COL24A1: variants seen among roughly 807,000 people sequenced by gnomAD.
COL24A1 encodes the protein collagen alpha-1(XXIV) chain.
A neutral mutation model predicts 253.9 loss-of-function variants in COL24A1; 224 were observed. The observed-to-expected ratio is 0.88, with a 90% CI of 0.79 to 0.99. The LOEUF (loss-of-function observed/expected upper bound fraction) is 0.99. COL24A1 is among the 50% of genes least tolerant of loss of function. The pLI is 0.00. For missense variants in COL24A1, 2,131 were observed against 2,068.5 expected (o/e 1.03, Z -0.59); for synonymous variants, 685 against 673.7 (o/e 1.02, Z -0.26).
intron 3 of COL24A1, among the ~76,000 whole-genome samples, chr1:86,117,005 A>T (rs2102199062): frequency 6.6e-6 from 1 of 152,322 alleles, no homozygotes; most frequent in Admixed American, 6.5e-5. Context: ...ATAATTAAAA[A>T]TTTAGCAGCT....
chr1:85,943,068 C>A (rs150263417), intron 24 of COL24A1, among the ~76,000 whole-genome samples: 89 of 152,274 alleles, frequency 5.8e-4, no homozygotes, highest in African/African-American at 2.1e-3. Flanking sequence ...TCTCTCAGGG[C>A]CTGGAGAGAA....
At chr1:86,012,178 T>C (rs141429289) in intron 19 of COL24A1, among the ~76,000 whole-genome samples, 3 of 152,316 alleles carry the variant, frequency 2.0e-5, no homozygotes, top group East Asian at 1.9e-4. Flanking sequence ...GTGATAGTGA[T>C]GCCCAGTAAA....
At chr1:85,827,811 C>G (rs1255484723) in intron 43 of COL24A1, among the ~76,000 whole-genome samples, 2 of 151,866 alleles carry the variant, frequency 1.3e-5, no homozygotes, top group Non-Finnish European at 2.9e-5. Context: ...TGATTCTTCT[C>G]TCTTTTCTTT....
intron 6 of COL24A1, among the ~76,000 whole-genome samples, chr1:86,090,141 T>C (rs1703391006): frequency 6.6e-6 from 1 of 152,202 alleles, no homozygotes; most frequent in South Asian, 2.1e-4. Context: ...GACTAGGCGT[T>C]ACCGATTAGC....
Position 86,125,062 on chromosome 1 carries a change from T to C in COL24A1, c.1274A>G (p.Gln425Arg), listed in dbSNP as rs1490175793. ...ATGCAAGCTTGTGTTTAAAATTGGT[T>C]GCATTTCCATGAGTTCGTTAGTGTG... ...NLHTNELMEM[Q>R]PILNTSLHRV... The change falls in exon 3 of 60, where the codon CAA (glutamine) becomes CGA (arginine). Residue 425 changes from glutamine to arginine, a missense_variant. Coordinates refer to ENST00000370571, the MANE Select transcript of COL24A1 (RefSeq NM_152890.7). 5 of 1,613,020 alleles carry C rather than the reference T, an allele frequency of 3.1e-6. No individual in the cohort carries two copies. The highest frequency in any genetic ancestry group is 3.4e-6 in the Non-Finnish European group (4 of 1,179,576).
At chr1:86,005,104 G>A (rs1413032978) in intron 19 of COL24A1, among the ~76,000 whole-genome samples, 1 of 152,170 alleles carries the variant, frequency 6.6e-6, no homozygotes, top group Non-Finnish European at 1.5e-5. Context: ...GAAAGAGTGA[G>A]AAAAGTACCA....
chr1:85,876,169 G>A (rs1418560242), intron 33 of COL24A1, among the ~76,000 whole-genome samples: 1 of 152,026 alleles, frequency 6.6e-6, no homozygotes, highest in African/African-American at 2.4e-5. Flanking sequence ...AATTATAGGA[G>A]TTGGAGGAGA....
chr1:86,027,644 G>C (rs953648976), intron 14 of COL24A1, among the ~76,000 whole-genome samples: 8 of 152,198 alleles, frequency 5.3e-5, no homozygotes, highest in African/African-American at 1.7e-4. Flanking sequence ...TTTGCTGCAG[G>C]GGTGACACCC....
At chr1:85,889,655 G>T (rs1332835163) in intron 31 of COL24A1, 42 bp from the exon 32 acceptor site, 5 of 1,565,460 alleles carry the variant, frequency 3.2e-6, no homozygotes, top group Non-Finnish European at 4.4e-6. Context: ...AGTGGTGTGT[G>T]AAGATGTTTT....
chr1:85,840,128 C>A (rs888897858), intron 42 of COL24A1, among the ~76,000 whole-genome samples: 2 of 152,128 alleles, frequency 1.3e-5, no homozygotes, highest in South Asian at 4.1e-4. Context: ...CTGGATAAAA[C>A]TACTATTGTT....
chr1:86,034,651 A>T (rs1479251599), intron 12 of COL24A1, among the ~76,000 whole-genome samples: 1 of 152,180 alleles, frequency 6.6e-6, no homozygotes. Flanking sequence ...ACACATAAAT[A>T]CTACAAATTT....
intron 24 of COL24A1, among the ~76,000 whole-genome samples, chr1:85,924,212 C>T (rs763449001): frequency 2.5e-4 from 38 of 152,080 alleles, no homozygotes; most frequent in Non-Finnish European, 4.9e-4. Flanking sequence ...AAGGACCAGA[C>T]GGATTCACAG....
chr1:85,962,027 A>G (rs1168933837), intron 23 of COL24A1, among the ~76,000 whole-genome samples: 1 of 152,204 alleles, frequency 6.6e-6, no homozygotes, highest in East Asian at 1.9e-4. Flanking sequence ...TTTTATCAAT[A>G]AAATTTTTAA....
Position 85,965,028 on chromosome 1 carries a change from G to A in COL24A1, c.2498C>T (p.Pro833Leu). ...KPGQKGYAGEPGPEGLKGEVG... is the reference protein window; with the variant it reads ...KPGQKGYAGELGPEGLKGEVG... ...CTTTACCTTTAAGCCTTCTGGTCCT[G>A]GTTCACCTGCATACCCCTTTTGACC... Residue 833 changes from proline to leucine, a missense_variant, in exon 23 of 60, where the codon CCA (proline) becomes CTA (leucine). Physicochemically the swap from Pro to Leu is moderately conservative, Grantham distance 98. Transcript: ENST00000370571. 6.2e-7 allele frequency: 1 copy of A among 1,611,066 alleles called. No individual in the cohort carries two copies. The highest frequency in any genetic ancestry group is 8.5e-7 in the Non-Finnish European group (1 of 1,178,256).
chr1:85,940,142 C>T lies in COL24A1; in HGVS notation c.2562+21107G>A. Among the ~76,000 whole-genome samples the T allele has an allele frequency of 1.2e-4, 2 of 16,604 alleles. 1 individual carries two copies. Among genetic ancestry groups the T allele is most frequent in the South Asian group, 3.5e-3 (2 of 568 alleles). 10.9% of individuals were successfully genotyped at this position (16,604 alleles called of 152,430 possible). The stretch of plus-strand genomic sequence containing the variant: ...CATAAGGGCCGGGCGCGGTGGCTCA[C>T]GCCTGTAATCCCAGCACTTTGGGAG... On this transcript the variant is annotated intron_variant, in intron 24 of 59. Coordinates refer to ENST00000370571, the MANE Select transcript of COL24A1 (RefSeq NM_152890.7).
At chr1:86,054,397 C>A (rs1322377237) in intron 10 of COL24A1, among the ~76,000 whole-genome samples, 14 of 152,232 alleles carry the variant, frequency 9.2e-5, no homozygotes, top group Admixed American at 2.6e-4. Context: ...AACTATGCAT[C>A]TGACAAAGGA....
chr1:85,935,257 G>A (rs912109928), intron 24 of COL24A1, among the ~76,000 whole-genome samples: 1 of 121,176 alleles, frequency 8.3e-6, no homozygotes, highest in African/African-American at 3.0e-5. Context: ...AAAAGGCTAC[G>A]AACAATAACA....
At chr1:85,877,500 TTACA>T (rs1681319768) in intron 32 of COL24A1, among the ~76,000 whole-genome samples, 3 of 150,898 alleles carry the variant, frequency 2.0e-5, no homozygotes, top group Non-Finnish European at 4.4e-5. Context: ...GTAGCTGGGA[TTACA>T]GGCAATTGCC....
chr1:85,796,540 T>C (rs1362082664), intron 47 of COL24A1, among the ~76,000 whole-genome samples: 1 of 152,204 alleles, frequency 6.6e-6, no homozygotes, highest in African/African-American at 2.4e-5. Context: ...CTACTCATAC[T>C]ATCTTATTTG....
Sources: gnomAD v4.1 joint callset for allele counts (sites outside exome capture counted in the v4.1 genomes callset) on GRCh38, gnomAD v4.1.1 for gene constraint, MANE v1.5 for transcripts, NCBI Gene and HGNC (gene_info 2026-07-23, HGNC 2026-07-21) for gene names.